Variants in CRYBG1 observed in about 807,000 individuals in gnomAD.
CRYBG1 encodes the protein crystallin beta-gamma domain containing 1.
CRYBG1 carries 139 observed loss-of-function variants against 189.2 expected under a neutral mutation model. The ratio of observed to expected loss-of-function variants is 0.73; its 90% CI spans 0.64 to 0.85. The LOEUF is 0.85. Among genes scored for constraint, CRYBG1 ranks in the 40% least tolerant of loss-of-function variants. The probability of loss-of-function intolerance (pLI) is 0.00; values close to 1 mark genes in which losing one functional copy is unlikely to be tolerated. For missense variants in CRYBG1, 2,611 were observed against 2,675.8 expected, an observed-to-expected ratio of 0.98 and a Z score of 0.53; for synonymous variants, 1,023 against 1,017.1, an observed-to-expected ratio of 1.01 and a Z score of -0.11.
intron 1 of CRYBG1, among the ~76,000 whole-genome samples, chr6:106,445,646 T>C (rs1367136527): frequency 2.6e-5 from 4 of 152,248 alleles, no homozygotes; most frequent in African/African-American, 9.6e-5. Context: ...TTTTACCTAA[T>C]TTAATTCTCT....
intron 1 of CRYBG1, among the ~76,000 whole-genome samples, chr6:106,441,889 A>G (rs1771574029): frequency 6.6e-6 from 1 of 152,232 alleles, no homozygotes; most frequent in Non-Finnish European, 1.5e-5. Context: ...TAAAAAATAT[A>G]AGGAAATCTC....
chr6:106,410,067 A>G (rs540852741), intron 1 of CRYBG1, among the ~76,000 whole-genome samples: 1 of 152,346 alleles, frequency 6.6e-6, no homozygotes, highest in South Asian at 2.1e-4. Flanking sequence ...AAAAGATACT[A>G]CCATCAGAGT....
At chr6:106,518,967 A>G (rs9486376) in intron 3 of CRYBG1, among the ~76,000 whole-genome samples, 164 bp from the exon 4 acceptor site, 724 of 57,156 alleles carry the variant, frequency 0.013, 3 homozygotes, top group African/African-American at 0.015. Flanking sequence ...TTAAAAACAC[A>G]TGTGTGCGCA....
chr6:106,448,430 T>TC (rs1003719928), intron 1 of CRYBG1, among the ~76,000 whole-genome samples: 2 of 151,922 alleles, frequency 1.3e-5, no homozygotes, highest in African/African-American at 4.8e-5. Flanking sequence ...AACTAAGCCT[T>TC]CCCCCAGGGC....
intron 1 of CRYBG1, among the ~76,000 whole-genome samples, chr6:106,435,895 T>G (rs1310660064): frequency 6.6e-6 from 1 of 152,260 alleles, no homozygotes; most frequent in South Asian, 2.1e-4. Flanking sequence ...AAATCGTGTC[T>G]TGGAAACCAT....
At chr6:106,508,001 C>T (rs1033815501) in intron 2 of CRYBG1, among the ~76,000 whole-genome samples, 2 of 152,296 alleles carry the variant, frequency 1.3e-5, no homozygotes, top group African/African-American at 4.8e-5. Flanking sequence ...CATCCCAGCG[C>T]TTTGGAAGGC....
At chr6:106,404,199 C>T (rs965471193) in intron 1 of CRYBG1, among the ~76,000 whole-genome samples, 6 of 152,290 alleles carry the variant, frequency 3.9e-5, no homozygotes, top group African/African-American at 1.4e-4. Flanking sequence ...TGACTTGCTG[C>T]GAGGTTAGAT....
At position 106,520,640 on chromosome 6, in the gene CRYBG1, C is replaced by T. The variant is rs761914015; in HGVS notation, c.3432C>T (p.His1144=). The T allele has an allele frequency of 1.2e-5, 19 of 1,614,076 alleles. No individual in the cohort carries two copies. Among genetic ancestry groups the T allele is most frequent in the East Asian group, 2.2e-5 (1 of 44,904 alleles). ...PAPHFAMPPI[H]EDHLEKVFDP... is the part of the protein sequence containing the mutation. ...CTCACTTTGCCATGCCTCCTATTCA[C>T]GAAGACCATTTAGAAAAGGTGTTTG... is the stretch of plus-strand genomic sequence containing the variant. The change falls in exon 4 of 22, where the codon CAC becomes CAT. Residue 1144 remains histidine (H), a synonymous_variant. Coordinates refer to ENST00000633556, the MANE Select transcript of CRYBG1 (RefSeq NM_001371242.2).
At chr6:106,544,421 T>C in intron 11 of CRYBG1, 150 bp from the exon 12 acceptor site, 1 of 889,764 alleles carries the variant, frequency 1.1e-6, no homozygotes, top group Middle Eastern at 3.7e-4. Flanking sequence ...TCTGTTATTC[T>C]CCTAAATTTT....
At chr6:106,550,267 T>C (rs1240617991) in intron 13 of CRYBG1, among the ~76,000 whole-genome samples, 1 of 152,202 alleles carries the variant, frequency 6.6e-6, no homozygotes, top group East Asian at 1.9e-4. Context: ...CCCTAGGAGA[T>C]TAAATGTGAT....
chr6:106,483,251 T>G (rs1274174430), intron 2 of CRYBG1, among the ~76,000 whole-genome samples: 1 of 151,918 alleles, frequency 6.6e-6, no homozygotes, highest in African/African-American at 2.4e-5. Context: ...ATGTGATATT[T>G]GTCCTGGCAC....
At chr6:106,451,943 T>G (rs1405471438) in intron 2 of CRYBG1, 111 bp downstream of exon 2, 3 of 702,658 alleles carry the variant, frequency 4.3e-6, no homozygotes. Context: ...TGGTATATAT[T>G]GTATATCATA....
intron 1 of CRYBG1, among the ~76,000 whole-genome samples, chr6:106,406,887 C>T (rs538801239): frequency 6.6e-6 from 1 of 152,256 alleles, no homozygotes; most frequent in East Asian, 1.9e-4. Context: ...GAAGGAAGCA[C>T]TAAATATGGA....
At chr6:106,491,789 G>A (rs1027777795) in intron 2 of CRYBG1, among the ~76,000 whole-genome samples, 8 of 152,068 alleles carry the variant, frequency 5.3e-5, no homozygotes, top group Admixed American at 1.3e-4. Context: ...AGATCATGTC[G>A]CCTCCCCGCT....
At chr6:106,442,561 A>G (rs1043055889) in intron 1 of CRYBG1, among the ~76,000 whole-genome samples, 3 of 152,220 alleles carry the variant, frequency 2.0e-5, no homozygotes, top group Non-Finnish European at 4.4e-5. Flanking sequence ...GGTTAGGAGG[A>G]GGTGCTTTTG....
intron 1 of CRYBG1, among the ~76,000 whole-genome samples, chr6:106,373,246 A>C (rs1449159174): frequency 6.6e-6 from 1 of 152,204 alleles, no homozygotes; most frequent in East Asian, 1.9e-4. Context: ...ACTTGAAATG[A>C]TTCTAAGAAG....
chr6:106,386,932 G>T (rs984279320), intron 1 of CRYBG1, among the ~76,000 whole-genome samples: 8 of 152,246 alleles, frequency 5.3e-5, no homozygotes, highest in Middle Eastern at 6.8e-3. Flanking sequence ...TTGGAAACAG[G>T]GTTGATTTTG....
intron 1 of CRYBG1, among the ~76,000 whole-genome samples, chr6:106,384,325 C>T (rs575536407): frequency 1.3e-5 from 2 of 152,058 alleles, no homozygotes; most frequent in Admixed American, 6.6e-5. Flanking sequence ...TTCCATAGAC[C>T]GGGGGAAGAC....
rs191109683 is a variant in CRYBG1, at chr6:106,426,432, A to G, written c.174-25262A>G. On this transcript the variant is annotated intron_variant, in intron 1 of 21. Coordinates refer to ENST00000633556, the MANE Select transcript of CRYBG1 (RefSeq NM_001371242.2). ...TTTACAGAGAAAAAACCCACAGAAG[A>G]GTGTTTATACTTGCTATTTTCGTTT... Among the ~76,000 whole-genome samples, 3 of 152,264 alleles carry G rather than the reference A, an allele frequency of 2.0e-5. No homozygotes were observed. The East Asian group carries it at 5.8e-4, about 29-fold the overall frequency.
Sources: gnomAD v4.1 joint callset for allele counts (sites outside exome capture counted in the v4.1 genomes callset) on GRCh38, gnomAD v4.1.1 for gene constraint, MANE v1.5 for transcripts, NCBI Gene and HGNC (gene_info 2026-07-23, HGNC 2026-07-21) for gene names.